KIF26A: variants seen among roughly 807,000 people sequenced by gnomAD.
KIF26A encodes the protein kinesin-like protein KIF26A.
Under a neutral mutation model 126.0 loss-of-function variants are expected in KIF26A, and 74 were observed. That is an observed-to-expected ratio of 0.59 (90% CI 0.49 to 0.71). The LOEUF (loss-of-function observed/expected upper bound fraction) is 0.71, where lower values mean the gene tolerates loss of function less well. Among genes scored for constraint, KIF26A ranks in the 30% least tolerant of loss-of-function variants. The pLI is 0.00. For missense variants in KIF26A, 2,984 were observed against 2,763.3 expected (o/e 1.08, Z -1.79); for synonymous variants, 1,445 against 1,232.7 (o/e 1.17, Z -3.61).
rs778951868 is a variant in KIF26A, at chr14:104,175,174, G to A, written c.2386G>A (p.Gly796Ser). 8.1e-6 allele frequency: 13 copies of A among 1,607,020 alleles called. No homozygotes were observed. The East Asian group carries it at 9.0e-5, about 11-fold the overall frequency. Reference sequence around the variant, plus strand: ...TGACACGGTCATCTACGTGGGGCCCGGTGGGGCGGCGCTGTCAGACCGGGA... The same window carrying A: ...TGACACGGTCATCTACGTGGGGCCCAGTGGGGCGGCGCTGTCAGACCGGGA... Reference protein sequence around the residue: ...SCDTVIYVGPGGAALSDRELT... With the variant: ...SCDTVIYVGPSGAALSDRELT... Residue 796 changes from glycine (G) to serine (S), a missense_variant, in exon 12 of 15, where the codon GGT becomes AGT. By Grantham distance (56) the Gly-to-Ser change is moderately conservative. Coordinates refer to ENST00000423312, the MANE Select transcript of KIF26A (RefSeq NM_015656.2).
At position 104,138,717 on chromosome 14, in the gene KIF26A, C is replaced by CCGGCCATGGT; in HGVS notation, c.1_10dup. ...GCGCCTGCCGGGCTCTTCCCGCGCC[C>CCGGCCATGGT]CGGCCATGGTCGGCCGCGGCGTCCC... On this transcript the variant is annotated 5_prime_UTR_variant, in exon 1 of 15. It adds an upstream start codon to the 5' untranslated region. Transcript: ENST00000423312. 8 of 1,268,014 alleles carry CCGGCCATGGT rather than the reference C, an allele frequency of 6.3e-6. No homozygotes were observed. Among genetic ancestry groups the CCGGCCATGGT allele is most frequent in the Non-Finnish European group, 6.9e-6 (7 of 1,008,424 alleles). The allele number at this position is 1,268,014 out of a possible 1,614,324, so 78.5% of individuals were successfully genotyped here. A position where few individuals can be genotyped will look rare whatever the true frequency, so the allele number is the denominator to read the frequency against.
rs1326551017 is a variant in KIF26A, at chr14:104,176,463, T to G, written c.3675T>G (p.Cys1225Trp). The change falls in exon 12 of 15, where the codon TGT becomes TGG. Residue 1225 changes from cysteine (C) to tryptophan (W), a missense_variant. Transcript: ENST00000423312. The stretch of plus-strand genomic sequence containing the variant: ...CCTCTGCCACCACCCGTGTGGGCTG[T>G]GCTCGCCTGGGCCAGAGCCCACCTG... Reference protein sequence around the residue: ...RTASATTRVGCARLGQSPPGR... With the variant: ...RTASATTRVGWARLGQSPPGR... 6.2e-7 allele frequency: 1 copy of G among 1,607,100 alleles called. No individual in the cohort carries two copies. Among genetic ancestry groups the G allele is most frequent in the African/African-American group, 1.3e-5 (1 of 74,890 alleles).
chr14:104,156,447 T>G (rs2037778512), intron 3 of KIF26A, among the ~76,000 whole-genome samples: 1 of 150,950 alleles, frequency 6.6e-6, no homozygotes, highest in African/African-American at 2.4e-5. Context: ...TGGGCATTCC[T>G]TCTGGAAGCC....
chr14:104,165,312 T>C (rs539518939), intron 4 of KIF26A, among the ~76,000 whole-genome samples: 2 of 151,500 alleles, frequency 1.3e-5, no homozygotes, highest in African/African-American at 2.4e-5. Flanking sequence ...TGTGTCTGTG[T>C]GTCTCTATGC....
At chr14:104,147,813 T>C (rs1034838641) in intron 2 of KIF26A, among the ~76,000 whole-genome samples, 3 of 152,160 alleles carry the variant, frequency 2.0e-5, no homozygotes, top group African/African-American at 7.2e-5. Flanking sequence ...TGGGGTCCTT[T>C]TGAGGGCTGC....
rs1199556663 is a variant in KIF26A, at chr14:104,166,982, C to T, written c.1047C>T (p.Pro349=). 1 of 1,583,892 alleles carries T rather than the reference C, an allele frequency of 6.3e-7. No individual in the cohort carries two copies. Among genetic ancestry groups the T allele is most frequent in the Non-Finnish European group, 8.6e-7 (1 of 1,166,106 alleles). The change falls in exon 5 of 15, where the codon CCC becomes CCT. Residue 349 remains proline (P), a synonymous_variant. Coordinates refer to ENST00000423312, the MANE Select transcript of KIF26A (RefSeq NM_015656.2). The part of the protein sequence containing the change: ...DFSGVLQLWP[P]PAPPCLLRAA... ...GCGGGGTCCTGCAGCTGTGGCCGCC[C>T]CCGGCGCCCCCCTGCCTGCTCAGGG... is the stretch of plus-strand genomic sequence containing the variant.
intron 3 of KIF26A, among the ~76,000 whole-genome samples, chr14:104,156,838 G>A (rs1475808101): frequency 6.6e-6 from 1 of 152,208 alleles, no homozygotes; most frequent in Non-Finnish European, 1.5e-5. Flanking sequence ...CCAGTCCTCT[G>A]CTAGCCTGGG....
At chr14:104,174,028 C>CA (rs1361225041) in intron 10 of KIF26A, 120 bp from the exon 11 acceptor site, 1 of 1,404,928 alleles carries the variant, frequency 7.1e-7, no homozygotes, top group Non-Finnish European at 9.4e-7. Flanking sequence ...CCTGGGGCCC[C>CA]ACGCTGGGCT....
At chr14:104,158,941 C>T (rs1030690235) in intron 4 of KIF26A, among the ~76,000 whole-genome samples, 2 of 152,224 alleles carry the variant, frequency 1.3e-5, no homozygotes, top group Admixed American at 6.5e-5. Context: ...AGCAGCCCCA[C>T]GCGGGTGCTG....
At position 104,175,874 on chromosome 14, in the gene KIF26A, A is replaced by T. The variant is rs769012283; in HGVS notation, c.3086A>T (p.Glu1029Val). ...TLQRPVELNG[E>V]DELVFTVVEE... is the part of the protein sequence containing the mutation. ...CAGCGGCCAGTGGAGCTCAACGGCG[A>T]GGACGAGCTGGTGTTCACGGTGGTG... The change falls in exon 12 of 15, where the codon GAG becomes GTG. Residue 1029 changes from glutamate to valine, a missense_variant. Physicochemically the swap from Glu to Val is moderately radical, Grantham distance 121 (BLOSUM62 -2). Transcript: ENST00000423312. 1 of 1,540,284 alleles carries T rather than the reference A, an allele frequency of 6.5e-7. No individual in the cohort carries two copies. Among genetic ancestry groups the T allele is most frequent in the Non-Finnish European group, 8.7e-7 (1 of 1,147,984 alleles).
Position 104,179,798 on chromosome 14 carries a change from C to A in KIF26A, c.*8C>A. On this transcript the variant is annotated 3_prime_UTR_variant, in exon 15 of 15. Coordinates refer to ENST00000423312, the MANE Select transcript of KIF26A (RefSeq NM_015656.2). ...CAGGAGGTGGACGTCTGAGGCTGGG[C>A]GCCGGACAAGAGGAGGGGGCGTGCA... The A allele has an allele frequency of 6.6e-7, 1 of 1,517,318 alleles. No individual in the cohort carries two copies. Among genetic ancestry groups the A allele is most frequent in the Non-Finnish European group, 8.8e-7 (1 of 1,132,414 alleles). The allele number at this position is 1,517,318 out of a possible 1,614,324, so 94.0% of individuals were successfully genotyped here. A position where few individuals can be genotyped will look rare whatever the true frequency, so the allele number is the denominator to read the frequency against.
chr14:104,173,231 G>A lies in KIF26A; in HGVS notation c.1675G>A (p.Gly559Arg), dbSNP rs1480963449. ...GTACCTGCGGGAGGACCCCGTGTGT[G>A]GGGCGCAGGTGCGCCTGCCTACTGT... ...GVYLREDPVC[G>R]AQLQNQSELR... The change falls in exon 8 of 15, where the codon GGG becomes AGG. Residue 559 changes from glycine (G) to arginine (R), a missense_variant. Gly to Arg is a moderately radical substitution (Grantham distance 125). Transcript: ENST00000423312. The A allele has an allele frequency of 6.2e-7, 1 of 1,607,930 alleles. No individual in the cohort carries two copies.
Position 104,176,567 on chromosome 14 carries a change from C to T in KIF26A, c.3779C>T (p.Ala1260Val). ...CDTQAASAGR[A>V]PSPTLGSPRL... ...ACCCAGGCAGCTTCTGCTGGCAGGG[C>T]CCCCAGCCCCACACTTGGCTCCCCC... The change falls in exon 12 of 15, where the codon GCC becomes GTC. Residue 1260 changes from alanine to valine, a missense_variant. By Grantham distance (64) the Ala-to-Val change is moderately conservative. Coordinates refer to ENST00000423312, the MANE Select transcript of KIF26A (RefSeq NM_015656.2). 6.2e-7 allele frequency: 1 copy of T among 1,606,862 alleles called. No homozygotes were observed. Among genetic ancestry groups the T allele is most frequent in the Middle Eastern group, 1.7e-4 (1 of 6,060 alleles).
chr14:104,170,749 G>C (rs1323375015), intron 5 of KIF26A, among the ~76,000 whole-genome samples: 1 of 152,252 alleles, frequency 6.6e-6, no homozygotes, highest in Non-Finnish European at 1.5e-5. Context: ...ACCTGTGTGG[G>C]GTGTCCCTGC....
At chr14:104,170,105 G>C (rs1044945147) in intron 5 of KIF26A, among the ~76,000 whole-genome samples, 1 of 152,192 alleles carries the variant, frequency 6.6e-6, no homozygotes, top group African/African-American at 2.4e-5. Flanking sequence ...CAGACGTAGA[G>C]AGCCAAACCG....
chr14:104,179,004 G>C (rs2038069437), intron 13 of KIF26A, among the ~76,000 whole-genome samples: 1 of 152,174 alleles, frequency 6.6e-6, no homozygotes. Context: ...GGCCACTGCT[G>C]CTGTCCGCTG....
Position 104,176,783 on chromosome 14 carries a change from G to A in KIF26A, c.3995G>A (p.Cys1332Tyr), listed in dbSNP as rs1259602681. 1.5e-5 allele frequency: 23 copies of A among 1,573,022 alleles called. No homozygotes were observed. The highest frequency in any genetic ancestry group is 1.4e-5 in the Non-Finnish European group (16 of 1,160,636). The change falls in exon 12 of 15, where the codon TGC becomes TAC. Residue 1332 changes from cysteine to tyrosine, a missense_variant. Physicochemically the swap from Cys to Tyr is radical, Grantham distance 194 (BLOSUM62 -2). Coordinates refer to ENST00000423312, the MANE Select transcript of KIF26A (RefSeq NM_015656.2). Reference sequence around the variant, plus strand: ...GATGCTCCCACGGAGGTGGTGGCCTGCTCGGGGAGCCTGAAGGCCTCCCCC... The same window carrying A: ...GATGCTCCCACGGAGGTGGTGGCCTACTCGGGGAGCCTGAAGGCCTCCCCC... ...WGDAPTEVVACSGSLKASPTS... is the reference protein window; with the variant it reads ...WGDAPTEVVAYSGSLKASPTS...
intron 12 of KIF26A, 142 bp from the exon 13 acceptor site, chr14:104,178,406 GCA>G: frequency 1.6e-6 from 1 of 619,150 alleles, no homozygotes. Context: ...CCTGCCCTGG[GCA>G]GAGCGCCAGC....
intron 3 of KIF26A, among the ~76,000 whole-genome samples, chr14:104,156,204 C>A (rs935311986): frequency 6.6e-6 from 1 of 152,238 alleles, no homozygotes; most frequent in Non-Finnish European, 1.5e-5. Flanking sequence ...ATCACTCTTT[C>A]CTGTCTGCTC....
Sources: allele counts gnomAD v4.1 joint callset (sites outside exome capture counted in the v4.1 genomes callset), GRCh38; gene constraint gnomAD v4.1.1; transcripts MANE v1.5; gene names NCBI Gene and HGNC (gene_info 2026-07-23, HGNC 2026-07-21).